Variants in ATP6V0D1 observed in about 807,000 individuals in gnomAD.
The protein encoded by ATP6V0D1 is ATPase H+ transporting V0 subunit d1, also known as V-type proton ATPase subunit d 1.
In ATP6V0D1, 13 loss-of-function variants were observed where a neutral mutation model predicts 39.0. The observed-to-expected ratio is 0.33, with a 90% CI of 0.22 to 0.53. The LOEUF (loss-of-function observed/expected upper bound fraction) is 0.53, where lower values mean the gene tolerates loss of function less well. ATP6V0D1 is among the 20% of genes least tolerant of loss of function. The pLI, the probability that ATP6V0D1 is intolerant of heterozygous loss-of-function variation, is 0.94. For synonymous variants in ATP6V0D1, 191 were observed against 191.2 expected, an observed-to-expected ratio of 1.00 and a Z score of 0.01; for missense variants, 272 against 470.9, an observed-to-expected ratio of 0.58 and a Z score of 3.91.
intron 2 of ATP6V0D1, among the ~76,000 whole-genome samples, chr16:67,449,250 C>T (rs569285672): frequency 6.6e-6 from 1 of 152,340 alleles, no homozygotes; most frequent in Non-Finnish European, 1.5e-5. Context: ...TAGGCCCCCT[C>T]CAGGGAGGCT....
Position 67,478,628 on chromosome 16 carries a change from A to AAAG in ATP6V0D1, c.130+2328_130+2329insCTT, listed in dbSNP as rs1555521329. ...GACTCTGTCTCAAAAAAAAAAAAAAAAAAGAAAGAAAGAAAGAAATGTGTG... is the reference window on the plus strand; with the variant it reads ...GACTCTGTCTCAAAAAAAAAAAAAAAAAGAAAGAAAGAAAGAAAGAAATGTGTG... On this transcript the variant is annotated intron_variant, in intron 1 of 7. Transcript: ENST00000290949. Among the ~76,000 whole-genome samples the AAAG allele has an allele frequency of 3.3e-5, 5 of 150,734 alleles. No homozygotes were observed. In the East Asian group the frequency reaches 9.7e-4, roughly 29 times the overall value.
chr16:67,465,986 C>T (rs910223774), intron 1 of ATP6V0D1, among the ~76,000 whole-genome samples: 6 of 152,124 alleles, frequency 3.9e-5, no homozygotes, highest in African/African-American at 1.4e-4. Flanking sequence ...CCTGGCGCAC[C>T]CCCTTGTGGT....
intron 2 of ATP6V0D1, chr16:67,452,359 G>A: frequency 6.5e-7 from 1 of 1,535,730 alleles, no homozygotes; most frequent in Non-Finnish European, 8.7e-7. Flanking sequence ...TCTGACTCCT[G>A]CCTGAGAATG....
intron 4 of ATP6V0D1, among the ~76,000 whole-genome samples, chr16:67,442,333 C>T (rs2041062254): frequency 6.6e-6 from 1 of 152,244 alleles, no homozygotes; most frequent in African/African-American, 2.4e-5. Flanking sequence ...GGGGCCTGCC[C>T]ACTGCGGATC....
At chr16:67,469,095 G>A (rs556176889) in intron 1 of ATP6V0D1, among the ~76,000 whole-genome samples, 12 of 152,232 alleles carry the variant, frequency 7.9e-5, no homozygotes, top group Admixed American at 6.5e-4. Context: ...GGATCACAAG[G>A]TCAGGAGTTT....
intron 1 of ATP6V0D1, among the ~76,000 whole-genome samples, chr16:67,457,948 T>TTA (rs1314526361): frequency 6.6e-6 from 1 of 152,172 alleles, no homozygotes; most frequent in Non-Finnish European, 1.5e-5. Context: ...AACTTATTTT[T>TTA]TAAAAGCCCC....
chr16:67,479,463 T>C (rs963027051), intron 1 of ATP6V0D1, among the ~76,000 whole-genome samples: 2 of 152,166 alleles, frequency 1.3e-5, no homozygotes, highest in Admixed American at 6.5e-5. Context: ...TCCACCCGCC[T>C]TGGCCTCCCA....
intron 1 of ATP6V0D1, among the ~76,000 whole-genome samples, chr16:67,462,061 G>A (rs958020857): frequency 2.0e-5 from 3 of 152,194 alleles, no homozygotes; most frequent in African/African-American, 7.2e-5. Flanking sequence ...AAAGGGAGGG[G>A]CAGAACTGGT....
chr16:67,464,481 G>A (rs1228722897), intron 1 of ATP6V0D1, among the ~76,000 whole-genome samples: 1 of 152,202 alleles, frequency 6.6e-6, no homozygotes, highest in African/African-American at 2.4e-5. Context: ...CTATGACACT[G>A]TTCTAGCCTC....
chr16:67,443,081 G>A lies in ATP6V0D1; in HGVS notation c.561+18C>T. ...CCCACCGACAGGCCAATCCCCCATG[G>A]CTTGTGTGGGGCATTACCTTGTAGA... On this transcript the variant is annotated intron_variant, in intron 4 of 7. Transcript: ENST00000290949. 1 of 1,612,338 alleles carries A rather than the reference G, an allele frequency of 6.2e-7. No individual in the cohort carries two copies. Among genetic ancestry groups the A allele is most frequent in the Non-Finnish European group, 8.5e-7 (1 of 1,179,170 alleles).
chr16:67,472,855 G>A (rs2041385029), intron 1 of ATP6V0D1, among the ~76,000 whole-genome samples: 1 of 152,104 alleles, frequency 6.6e-6, no homozygotes, highest in African/African-American at 2.4e-5. Flanking sequence ...GGGCAACAGA[G>A]CAAGACTGTC....
intron 4 of ATP6V0D1, chr16:67,439,739 T>A: frequency 3.7e-6 from 1 of 269,044 alleles, no homozygotes; most frequent in South Asian, 5.0e-5. Context: ...AAACCAGGTG[T>A]GGCTGGACGC....
In ATP6V0D1 at chr16:67,447,043, T is replaced by C. The variant is rs1253040518; in HGVS notation, c.303-2337A>G. On this transcript the variant is annotated intron_variant, in intron 2 of 7. Transcript: ENST00000290949. The surrounding 1 kb of genome is among the most constrained non-coding windows in gnomAD (Gnocchi z 4.1). ...CTCTACATACCCCACCTAGTCTCAT[T>C]TTCTCAGAGGGATCCCCACCAGCCA... 6.6e-6 allele frequency among the ~76,000 whole-genome samples: 1 copy of C among 152,074 alleles called. No individual in the cohort carries two copies. Among genetic ancestry groups the C allele is most frequent in the African/African-American group, 2.4e-5 (1 of 41,410 alleles).
chr16:67,475,332 G>A (rs976643249), intron 1 of ATP6V0D1, among the ~76,000 whole-genome samples: 4 of 152,336 alleles, frequency 2.6e-5, no homozygotes, highest in South Asian at 2.1e-4. Context: ...GTCCAGCCTG[G>A]AGTCTCTCTT....
Position 67,439,304 on chromosome 16 carries a change from A to C in ATP6V0D1, c.609T>G (p.Thr203=). The change falls in exon 5 of 8, where the codon ACT becomes ACG. Residue 203 remains threonine (T), a synonymous_variant. Coordinates refer to ENST00000290949, the MANE Select transcript of ATP6V0D1 (RefSeq NM_004691.5). ...GGATGGGGCACATGGCATCAGCCGT[A>C]GTCCCGCCCAGTAGGGTGCAGAACT... ...FYKFCTLLGG[T]TADAMCPILE... The C allele has an allele frequency of 6.2e-7, 1 of 1,614,142 alleles. No individual in the cohort carries two copies. The highest frequency in any genetic ancestry group is 8.5e-7 in the Non-Finnish European group (1 of 1,180,034).
rs1406106058 is a variant in ATP6V0D1 at position 67,447,024 on chromosome 16, A to G, written c.303-2318T>C. Among the ~76,000 whole-genome samples, 1 of 152,030 alleles carries G rather than the reference A, an allele frequency of 6.6e-6. No individual in the cohort carries two copies. Among genetic ancestry groups the G allele is most frequent in the Non-Finnish European group, 1.5e-5 (1 of 68,014 alleles). ...ACCAGGGCCCCCTGCCTGGCTCTAC[A>G]TACCCCACCTAGTCTCATTTTCTCA... On this transcript the variant is annotated intron_variant, in intron 2 of 7. Transcript: ENST00000290949. The surrounding 1 kb of genome is among the most constrained non-coding windows in gnomAD (Gnocchi z 4.1).
At chr16:67,450,297 C>G (rs1372571026) in intron 2 of ATP6V0D1, among the ~76,000 whole-genome samples, 2 of 152,156 alleles carry the variant, frequency 1.3e-5, no homozygotes, top group East Asian at 3.9e-4. Flanking sequence ...CCTAAAAACC[C>G]CCTATTCCAA....
At position 67,443,707 on chromosome 16, in the gene ATP6V0D1, A is replaced by G. The variant is rs1597568913; in HGVS notation, c.482-529T>C. 2.0e-5 allele frequency among the ~76,000 whole-genome samples: 3 copies of G among 152,186 alleles called. 1 individual carries two copies. Among genetic ancestry groups the G allele is most frequent in the Admixed American group, 2.0e-4 (3 of 15,284 alleles). On this transcript the variant is annotated intron_variant, in intron 3 of 7. Transcript: ENST00000290949. ...CAGGATAGAGCACCCCCATCCCCCA[A>G]GAGGGCCTGCAGACTCACTGGTCTA...
At chr16:67,441,841 C>T (rs1265627223) in intron 4 of ATP6V0D1, 1 of 152,274 alleles carries the variant, frequency 6.6e-6, no homozygotes, top group African/African-American at 2.4e-5. Flanking sequence ...CCTCTGGTTT[C>T]AGGCCCTCTA....
Sources: gnomAD v4.1 joint callset for allele counts (sites outside exome capture counted in the v4.1 genomes callset) on GRCh38, gnomAD v4.1.1 for gene constraint, Gnocchi (gnomAD v3.1) non-coding constraint, MANE v1.5 for transcripts, NCBI Gene and HGNC (gene_info 2026-07-23, HGNC 2026-07-21) for gene names.